The following SLC35F4 variants were observed in gnomAD, a reference collection of about 807,000 sequenced individuals.
The protein encoded by SLC35F4 is chromosome 14 open reading frame 36.
In SLC35F4, 24 loss-of-function variants were observed where a neutral mutation model predicts 44.2. That is an observed-to-expected ratio of 0.54 (90% CI 0.39 to 0.76). The LOEUF is 0.76. SLC35F4 is among the 30% of genes least tolerant of loss of function. The pLI is 0.00. For synonymous variants in SLC35F4, 238 were observed against 223.6 expected (o/e 1.06, Z -0.57); for missense variants, 562 against 586.1 (o/e 0.96, Z 0.42).
chr14:57,741,081 C>A (rs1224736156), intron 1 of SLC35F4, among the ~76,000 whole-genome samples: 1 of 152,224 alleles, frequency 6.6e-6, no homozygotes, highest in African/African-American at 2.4e-5. Flanking sequence ...CCCATCTGTA[C>A]ATTACCATCA....
intron 1 of SLC35F4, among the ~76,000 whole-genome samples, chr14:57,884,141 T>C (rs977125969): frequency 6.6e-5 from 10 of 152,164 alleles, no homozygotes; most frequent in Admixed American, 3.3e-4. Context: ...TTTGATAATA[T>C]TGACAGATTC....
chr14:57,762,652 C>A, intron 1 of SLC35F4, among the ~76,000 whole-genome samples: 1 of 152,014 alleles, frequency 6.6e-6, no homozygotes, highest in Non-Finnish European at 1.5e-5. Flanking sequence ...TGGATTAATG[C>A]CATTATCATG....
rs532954717 is a variant in SLC35F4 at position 57,607,497 on chromosome 14, T to G, written c.104-13373A>C. Among the ~76,000 whole-genome samples the G allele has an allele frequency of 2.6e-5, 4 of 152,274 alleles. No homozygotes were observed. In the South Asian group the frequency reaches 6.2e-4, roughly 24 times the overall value. On this transcript the variant is annotated intron_variant, in intron 1 of 7. Transcript: ENST00000556826. ...CTGCCAGGTAGATGGGCTGAAACAG[T>G]CTTTGGACCTAAACCCACAATGATG...
chr14:57,964,033 T>A (rs1437865710), intron 1 of SLC35F4, among the ~76,000 whole-genome samples: 1 of 152,130 alleles, frequency 6.6e-6, no homozygotes, highest in Non-Finnish European at 1.5e-5. Flanking sequence ...TAGCTCATCT[T>A]CATAAACAGA....
chr14:57,974,635 C>T (rs1483359342), downstream of SLC35F4, among the ~76,000 whole-genome samples: 1 of 152,164 alleles, frequency 6.6e-6, no homozygotes, highest in Non-Finnish European at 1.5e-5. Flanking sequence ...AGTTACAGGA[C>T]TTATCCTCTG....
At chr14:57,936,246 T>G (rs1192483571) in intron 1 of SLC35F4, among the ~76,000 whole-genome samples, 4 of 152,234 alleles carry the variant, frequency 2.6e-5, no homozygotes, top group Non-Finnish European at 4.4e-5. Flanking sequence ...ATGGATCAGA[T>G]GTATTTTACT....
intron 1 of SLC35F4, among the ~76,000 whole-genome samples, chr14:57,818,314 A>G (rs1219122550): frequency 6.6e-6 from 1 of 152,124 alleles, no homozygotes; most frequent in African/African-American, 2.4e-5. Context: ...TCTCTCCACA[A>G]ACAGGATCTG....
chr14:57,803,982 C>A (rs1054703079), intron 1 of SLC35F4, among the ~76,000 whole-genome samples: 1 of 152,024 alleles, frequency 6.6e-6, no homozygotes, highest in Non-Finnish European at 1.5e-5. Context: ...CAACAACAAG[C>A]AAGCAGAGCC....
At chr14:57,937,645 GAAAAGA>G (rs1889838513) in intron 1 of SLC35F4, among the ~76,000 whole-genome samples, 3 of 116,584 alleles carry the variant, frequency 2.6e-5, no homozygotes, top group Middle Eastern at 4.7e-3. Flanking sequence ...GAAAAGAAAA[GAAAAGA>G]AAAAAGAAAA....
chr14:57,573,480 A>T (rs370678273), intron 4 of SLC35F4, among the ~76,000 whole-genome samples: 1 of 152,166 alleles, frequency 6.6e-6, no homozygotes, highest in African/African-American at 2.4e-5. Flanking sequence ...CTTGGCCTTA[A>T]ACTATAAGGA....
chr14:57,726,263 C>T (rs1425925083), intron 1 of SLC35F4, among the ~76,000 whole-genome samples: 1 of 152,048 alleles, frequency 6.6e-6, no homozygotes, highest in Non-Finnish European at 1.5e-5. Flanking sequence ...CTACAAATGA[C>T]CCAGACCCTT....
chr14:57,663,335 A>G lies in SLC35F4; in HGVS notation c.104-69211T>C, dbSNP rs747917460. Among the ~76,000 whole-genome samples, 110 of 152,322 alleles carry G rather than the reference A, an allele frequency of 7.2e-4. 1 individual carries two copies. The highest frequency in any genetic ancestry group is 3.9e-4 in the Admixed American group (6 of 15,282). On this transcript the variant is annotated intron_variant, in intron 1 of 7. Coordinates refer to ENST00000556826, the MANE Select transcript of SLC35F4 (RefSeq NM_001306087.2). Reference sequence around the variant, plus strand: ...ATTCTAACTGTTGTCTAATTACAGAATTAACATATTTTCCAAGTGCCAATC... The same window carrying G: ...ATTCTAACTGTTGTCTAATTACAGAGTTAACATATTTTCCAAGTGCCAATC...
At chr14:57,696,250 A>G (rs1484920307) in intron 1 of SLC35F4, among the ~76,000 whole-genome samples, 2 of 151,876 alleles carry the variant, frequency 1.3e-5, no homozygotes, top group Non-Finnish European at 2.9e-5. Flanking sequence ...AAACAAACTC[A>G]TCAAACAGTT....
intron 1 of SLC35F4, among the ~76,000 whole-genome samples, chr14:57,717,528 C>T (rs918072748): frequency 5.9e-5 from 9 of 152,016 alleles, no homozygotes; most frequent in African/African-American, 2.2e-4. Context: ...CCCAGCTACT[C>T]GGGAGGCTGA....
At chr14:57,713,969 C>G (rs2075874160) in intron 1 of SLC35F4, among the ~76,000 whole-genome samples, 1 of 152,084 alleles carries the variant, frequency 6.6e-6, no homozygotes, top group South Asian at 2.1e-4. Context: ...AATTTCTAAC[C>G]ACACAAATAT....
At chr14:57,927,203 C>A (rs1310504104) in intron 1 of SLC35F4, among the ~76,000 whole-genome samples, 1 of 152,212 alleles carries the variant, frequency 6.6e-6, no homozygotes, top group Non-Finnish European at 1.5e-5. Flanking sequence ...AAGGAACAAA[C>A]TTCCTGGAAG....
At chr14:57,593,790 G>A in intron 2 of SLC35F4, 149 bp downstream of exon 2, 1 of 828,428 alleles carries the variant, frequency 1.2e-6, no homozygotes, top group Non-Finnish European at 1.9e-6. Flanking sequence ...ATATTTCCCT[G>A]CTTCCTTATC....
chr14:57,698,801 T>A (rs945065247), intron 1 of SLC35F4, among the ~76,000 whole-genome samples: 5 of 152,094 alleles, frequency 3.3e-5, no homozygotes, highest in African/African-American at 4.8e-5. Flanking sequence ...AATTTTTGTA[T>A]TTTTAGTAGA....
At chr14:57,910,504 A>T (rs1407029097) in intron 1 of SLC35F4, among the ~76,000 whole-genome samples, 1 of 151,948 alleles carries the variant, frequency 6.6e-6, no homozygotes, top group African/African-American at 2.4e-5. Context: ...GTCTGGAGTC[A>T]ATTTTTTGTG....
Sources: gnomAD v4.1 joint callset for allele counts (sites outside exome capture counted in the v4.1 genomes callset) on GRCh38, gnomAD v4.1.1 for gene constraint, MANE v1.5 for transcripts, NCBI Gene and HGNC (gene_info 2026-07-23, HGNC 2026-07-21) for gene names.